MYH3: variants seen among roughly 807,000 people sequenced by gnomAD.
MYH3 encodes myosin heavy chain 3, also known as myosin-3.
Under a neutral mutation model 238.0 loss-of-function variants are expected in MYH3, and 130 were observed. The observed-to-expected ratio is 0.55, with a 90% CI of 0.47 to 0.63. MYH3 has a LOEUF of 0.63. Ranked by LOEUF, MYH3 falls within the 30% of genes least tolerant of loss-of-function variation. MYH3 has a pLI of 0.00. For synonymous variants in MYH3, 880 were observed against 924.1 expected (o/e 0.95, Z 0.86); for missense variants, 1,853 against 2,374.9 (o/e 0.78, Z 4.57).
intron 28 of MYH3, among the ~76,000 whole-genome samples, chr17:10,636,288 C>CA (rs397786526): frequency 0.58 from 46,611 of 80,846 alleles, 13,086 homozygotes; most frequent in Non-Finnish European, 0.68. Flanking sequence ...GCCTCAATCT[C>CA]AAAAAAAAAA....
At position 10,650,421 on chromosome 17, in the gene MYH3, A is replaced by G. The variant is rs749517918; in HGVS notation, c.506-20T>C. On this transcript the variant is annotated intron_variant, in intron 5 of 40. Transcript: ENST00000583535. ...CACGATCTGCCAGAGGAAAAAATAAAATAGAGTTGATGGCAATAGAAAAAG... is the reference window on the plus strand; with the variant it reads ...CACGATCTGCCAGAGGAAAAAATAAGATAGAGTTGATGGCAATAGAAAAAG... The G allele has an allele frequency of 6.8e-6, 11 of 1,608,632 alleles. No individual in the cohort carries two copies. Among genetic ancestry groups the G allele is most frequent in the Admixed American group, 1.7e-5 (1 of 59,996 alleles).
chr17:10,669,553 T>G, the MYH3 span, among the ~76,000 whole-genome samples: 2 of 133,112 alleles, frequency 1.5e-5, no homozygotes, highest in African/African-American at 2.9e-5. Context: ...GGTGACAGAG[T>G]GAGAGTCCAT....
chr17:10,667,777 G>A, the MYH3 span, among the ~76,000 whole-genome samples: 1 of 151,290 alleles, frequency 6.6e-6, no homozygotes, highest in South Asian at 2.1e-4. Context: ...GTTCTGGAAT[G>A]TAATATTTTG....
Position 10,639,110 on chromosome 17 carries a change from T to C in MYH3, c.3182A>G (p.Lys1061Arg), listed in dbSNP as rs76525125. The C allele has an allele frequency of 1.9e-6, 3 of 1,614,208 alleles. No individual in the cohort carries two copies. Among genetic ancestry groups the C allele is most frequent in the Non-Finnish European group, 2.5e-6 (3 of 1,180,006 alleles). Residue 1061 changes from lysine (K) to arginine (R), a missense_variant, in exon 25 of 41, where the codon AAG (lysine) becomes AGG (arginine). Transcript: ENST00000583535. ...RNKRKLEGDL[K>R]LAQESILDLE... ...ATCTAATATGGACTCTTGAGCAAGC[T>C]TCAAGTCTCCTTCCAATTTCCTTTT...
intron 19 of MYH3, 102 bp downstream of exon 19, chr17:10,640,983 T>A (rs1245610743): frequency 6.0e-6 from 6 of 1,008,034 alleles, no homozygotes; most frequent in Non-Finnish European, 9.6e-6. Flanking sequence ...GGTCCATATC[T>A]GTTCTTTCGA....
Position 10,631,614 on chromosome 17 carries a change from C to G in MYH3, c.5283G>C (p.Thr1761=). 6.2e-7 allele frequency: 1 copy of G among 1,614,150 alleles called. No homozygotes were observed. Among genetic ancestry groups the G allele is most frequent in the Non-Finnish European group, 8.5e-7 (1 of 1,180,038 alleles). Residue 1761 remains threonine, a synonymous_variant, in exon 36 of 41, where the codon ACG becomes ACC. Coordinates refer to ENST00000583535, the MANE Select transcript of MYH3 (RefSeq NM_002470.4). ...NAEEKAKKAI[T]DAAMMAEELK... is the part of the protein sequence containing the mutation. ...CAGCAGGAAGGAGACGCCTTACGTCCGTGATGGCCTTCTTGGCCTTCTCCT... is the reference window on the plus strand; with the variant it reads ...CAGCAGGAAGGAGACGCCTTACGTCGGTGATGGCCTTCTTGGCCTTCTCCT...
chr17:10,656,496 C>T (rs892777937), intron 1 of MYH3, among the ~76,000 whole-genome samples: 2 of 148,756 alleles, frequency 1.3e-5, no homozygotes, highest in Non-Finnish European at 2.9e-5. Flanking sequence ...GAGATTGTGC[C>T]ATTGCACTCC....
chr17:10,631,922 G>A lies in MYH3; in HGVS notation c.5051C>T (p.Ala1684Val). 6.2e-7 allele frequency: 1 copy of A among 1,614,090 alleles called. No individual in the cohort carries two copies. The highest frequency in any genetic ancestry group is 8.5e-7 in the Non-Finnish European group (1 of 1,180,034). ...AGTAGCCCGCAGCTCCTCCACCTCG[G>A]CCTGCAGCAGGTTGGCTCTGCGCTC... ...IVERRANLLQ[A>V]EVEELRATLE... is the part of the protein sequence containing the mutation. The change falls in exon 35 of 41, where the codon GCC (alanine) becomes GTC (valine). Residue 1684 changes from alanine to valine, a missense_variant. Coordinates refer to ENST00000583535, the MANE Select transcript of MYH3 (RefSeq NM_002470.4).
chr17:10,641,079 A>C lies in MYH3; in HGVS notation c.2165+6T>G, dbSNP rs756113159. ...CCCAAGCATATAGAACATGTTTATTACACACCTTTGTTTAAAATCGCCATA... is the reference window on the plus strand; with the variant it reads ...CCCAAGCATATAGAACATGTTTATTCCACACCTTTGTTTAAAATCGCCATA... On this transcript the variant is annotated splice_donor_region_variant and intron_variant, in intron 19 of 40. Transcript: ENST00000583535. 6 of 1,572,394 alleles carry C rather than the reference A, an allele frequency of 3.8e-6. 1 individual carries two copies. In the South Asian group the frequency reaches 6.6e-5, roughly 17 times the overall value.
Position 10,633,989 on chromosome 17 carries a change from A to T in MYH3, c.4522+28T>A, listed in dbSNP as rs377483424. ...TCGAGCAATAGAGCATGAAAGGAGG[A>T]GGTTTCAGAGGGTTTCGAATAGCTT... On this transcript the variant is annotated intron_variant, in intron 32 of 40. Coordinates refer to ENST00000583535, the MANE Select transcript of MYH3 (RefSeq NM_002470.4). 3.8e-5 allele frequency: 62 copies of T among 1,611,418 alleles called. No individual in the cohort carries two copies. The Admixed American group carries it at 4.8e-4, about 13-fold the overall frequency.
chr17:10,676,217 G>C, the MYH3 span: 1 of 152,088 alleles, frequency 6.6e-6, no homozygotes, highest in African/African-American at 2.4e-5. Context: ...TCAGCCTCCC[G>C]AGTAGCTGGG....
the MYH3 span, among the ~76,000 whole-genome samples, chr17:10,666,419 A>AAAAAAAAAACTT: frequency 7.3e-6 from 1 of 136,708 alleles, no homozygotes; most frequent in Non-Finnish European, 1.6e-5. Flanking sequence ...GTCTCTACAA[A>AAAAAAAAAACTT]AAAAAACCAG....
chr17:10,657,368 C>G (rs1181150919), upstream of MYH3: 2 of 152,278 alleles, frequency 1.3e-5, no homozygotes, highest in Admixed American at 6.5e-5. Flanking sequence ...GCGGCTCATT[C>G]CTTCTCTATA....
intron 2 of MYH3, among the ~76,000 whole-genome samples, chr17:10,655,789 T>C (rs748675008): frequency 4.1e-4 from 62 of 152,130 alleles, no homozygotes; most frequent in Non-Finnish European, 7.9e-4. Flanking sequence ...GTAGCTGGGA[T>C]TACAGGCACT....
the MYH3 span, among the ~76,000 whole-genome samples, chr17:10,667,750 G>A: frequency 4.6e-5 from 7 of 150,642 alleles, no homozygotes; most frequent in Admixed American, 4.6e-4. Context: ...AGGATATAGC[G>A]TTAAAAAAAA....
chr17:10,638,506 T>C, intron 26 of MYH3, 74 bp from the exon 27 acceptor site: 1 of 1,582,838 alleles, frequency 6.3e-7, no homozygotes, highest in Non-Finnish European at 8.6e-7. Flanking sequence ...AACAGGCTGG[T>C]TTCCCTTCCC....
At chr17:10,672,705 T>C in the MYH3 span, 1 of 152,242 alleles carries the variant, frequency 6.6e-6, no homozygotes, top group East Asian at 1.9e-4. Context: ...CATATTTACA[T>C]TGAGTCTTCT....
At chr17:10,676,396 T>C in the MYH3 span, 1 of 152,188 alleles carries the variant, frequency 6.6e-6, no homozygotes, top group Non-Finnish European at 1.5e-5. Flanking sequence ...CAGCCAACTG[T>C]GGTTGTTTTT....
At chr17:10,651,879 G>A (rs1431361209) in intron 4 of MYH3, 1 of 618,114 alleles carries the variant, frequency 1.6e-6, no homozygotes, top group Non-Finnish European at 2.6e-6. Flanking sequence ...GAGTAGCTGG[G>A]ACTACAGGTA....
Sources: allele counts gnomAD v4.1 joint callset (sites outside exome capture counted in the v4.1 genomes callset), GRCh38; gene constraint gnomAD v4.1.1; transcripts MANE v1.5; gene names NCBI Gene and HGNC (gene_info 2026-07-23, HGNC 2026-07-21).